DAB1: variants seen among roughly 807,000 people sequenced by gnomAD.
DAB1 encodes DAB adaptor protein 1.
A neutral mutation model predicts 64.6 loss-of-function variants in DAB1; 15 were observed. The ratio of observed to expected loss-of-function variants is 0.23; its 90% CI spans 0.16 to 0.36. DAB1 has a LOEUF of 0.36. Among genes scored for constraint, DAB1 ranks in the 10% least tolerant of loss-of-function variants. The pLI is 1.00. For synonymous variants in DAB1, 235 were observed against 251.9 expected, an observed-to-expected ratio of 0.93 and a Z score of 0.64; for missense variants, 596 against 706.7, an observed-to-expected ratio of 0.84 and a Z score of 1.78.
intron 7 of DAB1, among the ~76,000 whole-genome samples, chr1:57,600,447 G>T (rs1162335728): frequency 6.6e-6 from 1 of 152,194 alleles, no homozygotes; most frequent in South Asian, 2.1e-4. Flanking sequence ...GAACAAAGCA[G>T]GACTTAAAAT....
chr1:58,304,643 C>G (rs56103710), intron 4 of DAB1, among the ~76,000 whole-genome samples: 1 of 152,090 alleles, frequency 6.6e-6, no homozygotes, highest in Non-Finnish European at 1.5e-5. Context: ...TCTCTAAGTT[C>G]GCAAATGACA....
At chr1:57,017,027 G>A (rs1293547663) in intron 11 of DAB1, among the ~76,000 whole-genome samples, 2 of 152,146 alleles carry the variant, frequency 1.3e-5, no homozygotes, top group Non-Finnish European at 2.9e-5. Context: ...CTTCCTTTGT[G>A]CCACACACTG....
At chr1:58,333,830 G>T (rs1663032484) in intron 4 of DAB1, among the ~76,000 whole-genome samples, 1 of 152,188 alleles carries the variant, frequency 6.6e-6, no homozygotes, top group African/African-American at 2.4e-5. Context: ...ATTCACTGCT[G>T]GCAGAAATAA....
rs184390506 is a variant in DAB1 at position 58,009,500 on chromosome 1, C to T, written n.388-125338G>A. Among the ~76,000 whole-genome samples the T allele has an allele frequency of 3.9e-3, 596 of 152,100 alleles. 7 individuals are homozygous for T. Among genetic ancestry groups the T allele is most frequent in the African/African-American group, 0.014 (564 of 41,490 alleles). On this transcript the variant is annotated intron_variant and non_coding_transcript_variant, in intron 5 of 20. Coordinates refer to the DAB1 transcript ENST00000485760. ...CTACCTATTTTATAGTATATGATTG[C>T]TTTTAGGATATAGGGTTAATAGAGA...
At chr1:57,214,927 A>AAG (rs1666310658) in intron 2 of DAB1, among the ~76,000 whole-genome samples, 2 of 148,734 alleles carry the variant, frequency 1.3e-5, no homozygotes, top group African/African-American at 4.9e-5. Flanking sequence ...AAAAAAAAAA[A>AAG]AAAGAAAGAA....
chr1:57,365,329 T>A (rs1457558637), intron 1 of DAB1, among the ~76,000 whole-genome samples: 1 of 142,570 alleles, frequency 7.0e-6, no homozygotes, highest in Non-Finnish European at 1.5e-5. Context: ...ATGTATTATA[T>A]AAAGAATATA....
intron 1 of DAB1, among the ~76,000 whole-genome samples, chr1:57,844,187 A>G (rs961247855): frequency 1.3e-5 from 2 of 152,276 alleles, no homozygotes; most frequent in Non-Finnish European, 2.9e-5. Flanking sequence ...GATATCCCTC[A>G]GACCAGCATT....
At chr1:58,399,040 T>G (rs1464529735) in intron 3 of DAB1, among the ~76,000 whole-genome samples, 2 of 152,186 alleles carry the variant, frequency 1.3e-5, no homozygotes, top group Non-Finnish European at 2.9e-5. Context: ...TACAAGTAGG[T>G]GCCAGAAATT....
intron 7 of DAB1, among the ~76,000 whole-genome samples, chr1:57,550,102 C>A (rs1258103488): frequency 6.6e-6 from 1 of 152,090 alleles, no homozygotes; most frequent in African/African-American, 2.4e-5. Context: ...GATTCTGGGG[C>A]CCTTAATTAG....
At chr1:57,678,944 T>G (rs893658852) in intron 6 of DAB1, among the ~76,000 whole-genome samples, 2 of 143,144 alleles carry the variant, frequency 1.4e-5, no homozygotes, top group Non-Finnish European at 3.1e-5. Context: ...TTTTTTTTTT[T>G]GTATTTTTCG....
chr1:57,035,441 T>G (rs1647109651), intron 9 of DAB1, among the ~76,000 whole-genome samples: 1 of 152,140 alleles, frequency 6.6e-6, no homozygotes, highest in Admixed American at 6.5e-5. Flanking sequence ...AGTGTCAGCA[T>G]GAGCGTGTTG....
At chr1:57,344,270 C>A (rs573019293) in intron 1 of DAB1, among the ~76,000 whole-genome samples, 3 of 152,270 alleles carry the variant, frequency 2.0e-5, no homozygotes, top group African/African-American at 7.2e-5. Context: ...GTAACCAGAG[C>A]ACTGAGATCT....
chr1:57,272,716 C>T (rs141626743), intron 2 of DAB1, among the ~76,000 whole-genome samples: 7 of 152,262 alleles, frequency 4.6e-5, no homozygotes, highest in African/African-American at 1.4e-4. Context: ...GAATACCTAC[C>T]TCACTGGTTG....
At chr1:57,651,623 G>C (rs897521098) in intron 6 of DAB1, among the ~76,000 whole-genome samples, 1 of 151,582 alleles carries the variant, frequency 6.6e-6, no homozygotes, top group Non-Finnish European at 1.5e-5. Context: ...ATATAAAGTG[G>C]GATAATAAGT....
chr1:57,367,041 C>CATAAAATAAAATAAAATAAAATAAA (rs1558248664), intron 1 of DAB1, among the ~76,000 whole-genome samples: 27 of 91,276 alleles, frequency 3.0e-4, no homozygotes, highest in Admixed American at 2.6e-3. Context: ...ACCCTGTCTC[C>CATAAAATAAAATAAAATAAAATAAA]ACAAAATAAA....
chr1:57,292,460 G>C (rs146381434), intron 1 of DAB1, among the ~76,000 whole-genome samples: 144 of 152,032 alleles, frequency 9.5e-4, no homozygotes, highest in African/African-American at 3.4e-3. Context: ...TGTAAAACAG[G>C]GTCCATGAAA....
At chr1:57,413,894 A>G (rs999509161) in intron 1 of DAB1, among the ~76,000 whole-genome samples, 2 of 152,156 alleles carry the variant, frequency 1.3e-5, no homozygotes, top group African/African-American at 4.8e-5. Flanking sequence ...ACTTCAGTGG[A>G]AGAAGGAACT....
intron 2 of DAB1, among the ~76,000 whole-genome samples, chr1:57,172,747 A>T (rs549444119): frequency 6.6e-6 from 1 of 152,316 alleles, no homozygotes; most frequent in East Asian, 1.9e-4. Context: ...ACTCATTACC[A>T]CAAGGACAGT....
chr1:58,431,558 GA>G (rs66832530), intron 3 of DAB1, among the ~76,000 whole-genome samples: 17,096 of 76,094 alleles, frequency 0.22, 913 homozygotes, highest in Non-Finnish European at 0.3. Context: ...ACTCCATCTG[GA>G]AAAAAAAAAA....
Sources: allele counts gnomAD v4.1 joint callset (sites outside exome capture counted in the v4.1 genomes callset), GRCh38; gene constraint gnomAD v4.1.1; transcripts MANE v1.5; gene names NCBI Gene and HGNC (gene_info 2026-07-23, HGNC 2026-07-21).